The following MLLT10 variants were observed in gnomAD, a reference collection of about 807,000 sequenced individuals.
MLLT10 encodes the protein protein AF-10.
MLLT10 carries 30 observed loss-of-function variants against 129.1 expected under a neutral mutation model. That is an observed-to-expected ratio of 0.23 (90% CI 0.17 to 0.32). MLLT10 has a LOEUF of 0.32. MLLT10 is among the 10% of genes least tolerant of loss of function. The pLI is 1.00. For missense variants in MLLT10, 1,119 were observed against 1,268.3 expected (o/e 0.88, Z 1.79); for synonymous variants, 490 against 446.4 (o/e 1.10, Z -1.23).
At chr10:21,552,652 A>G (rs1352424482) in intron 3 of MLLT10, among the ~76,000 whole-genome samples, 1 of 151,962 alleles carries the variant, frequency 6.6e-6, no homozygotes, top group Admixed American at 6.6e-5. Context: ...TCGGCCTCCC[A>G]AAGTGCTAGG....
chr10:21,555,298 C>T (rs533756333), intron 3 of MLLT10, among the ~76,000 whole-genome samples: 1 of 152,304 alleles, frequency 6.6e-6, no homozygotes, highest in South Asian at 2.1e-4. Context: ...TCTTGGCTCA[C>T]TGCAGTCCCC....
At chr10:21,621,466 G>A (rs1037389923) in intron 8 of MLLT10, among the ~76,000 whole-genome samples, 1 of 151,486 alleles carries the variant, frequency 6.6e-6, no homozygotes, top group East Asian at 1.9e-4. Flanking sequence ...AGGATGGTCT[G>A]GATCTCCTGA....
At chr10:21,555,663 A>G (rs1186449442) in intron 3 of MLLT10, among the ~76,000 whole-genome samples, 1 of 151,204 alleles carries the variant, frequency 6.6e-6, no homozygotes, top group Non-Finnish European at 1.5e-5. Flanking sequence ...GCCTTGATTC[A>G]AATGTAAGAC....
chr10:21,643,515 T>G (rs1311945797), intron 8 of MLLT10, among the ~76,000 whole-genome samples: 1 of 152,248 alleles, frequency 6.6e-6, no homozygotes, highest in Non-Finnish European at 1.5e-5. Flanking sequence ...GGCTGAATTT[T>G]ATTCACTTTT....
chr10:21,674,036 T>C, intron 11 of MLLT10, 117 bp downstream of exon 11: 1 of 786,150 alleles, frequency 1.3e-6, no homozygotes, highest in Non-Finnish European at 1.8e-6. Flanking sequence ...TGACATTTAA[T>C]TAAAGTGAAA....
At chr10:21,619,349 A>G (rs2045581843) in intron 8 of MLLT10, among the ~76,000 whole-genome samples, 1 of 152,210 alleles carries the variant, frequency 6.6e-6, no homozygotes, top group Admixed American at 6.5e-5. Flanking sequence ...CTGCCATTTC[A>G]TGCATATTAT....
chr10:21,617,089 T>C, intron 7 of MLLT10, 23 bp from the exon 8 acceptor site: 2 of 1,198,408 alleles, frequency 1.7e-6, no homozygotes, highest in Non-Finnish European at 2.3e-6. Flanking sequence ...TATACATATA[T>C]GTATATATAT....
chr10:21,556,753 T>C (rs755458233), intron 3 of MLLT10: 3 of 1,609,032 alleles, frequency 1.9e-6, no homozygotes. Context: ...TGTCTAACGT[T>C]CCTCCAGTTT....
intron 11 of MLLT10, among the ~76,000 whole-genome samples, chr10:21,674,857 A>C (rs2051909714): frequency 6.6e-6 from 1 of 152,162 alleles, no homozygotes; most frequent in African/African-American, 2.4e-5. Flanking sequence ...GGTAGGTAGG[A>C]AATGGTATGG....
intron 2 of MLLT10, 62 bp from the exon 3 acceptor site, chr10:21,538,771 G>A: frequency 1.6e-6 from 2 of 1,215,080 alleles, no homozygotes; most frequent in South Asian, 1.2e-5. Flanking sequence ...CTTTGAAAGG[G>A]TATTTGATTT....
chr10:21,590,171 G>A (rs1476591651), intron 4 of MLLT10, among the ~76,000 whole-genome samples: 1 of 152,064 alleles, frequency 6.6e-6, no homozygotes, highest in African/African-American at 2.4e-5. Flanking sequence ...GAACATCTGG[G>A]ATCAAGCTAT....
intron 13 of MLLT10, chr10:21,708,743 A>C: frequency 1.0e-6 from 1 of 985,316 alleles, no homozygotes; most frequent in South Asian, 4.7e-5. Flanking sequence ...TCTCAATATT[A>C]TTCTTCCAAG....
intron 14 of MLLT10, among the ~76,000 whole-genome samples, chr10:21,717,829 C>CT (rs2056829386): frequency 5.0e-5 from 7 of 138,856 alleles, no homozygotes; most frequent in African/African-American, 1.4e-4. Flanking sequence ...TCTCCTCCTT[C>CT]TCCTCCTCCT....
At chr10:21,707,434 G>A (rs920308009) in intron 13 of MLLT10, among the ~76,000 whole-genome samples, 37 of 151,726 alleles carry the variant, frequency 2.4e-4, no homozygotes, top group Middle Eastern at 3.4e-3. Context: ...CTCGTGATCC[G>A]CCCGTCTCGG....
chr10:21,663,120 C>G (rs912872574), intron 9 of MLLT10, among the ~76,000 whole-genome samples: 5 of 152,136 alleles, frequency 3.3e-5, no homozygotes, highest in Non-Finnish European at 7.4e-5. Flanking sequence ...GGAGGGATCT[C>G]TGGGGGACTC....
intron 3 of MLLT10, among the ~76,000 whole-genome samples, chr10:21,543,235 C>T (rs557627838): frequency 1.3e-5 from 2 of 152,254 alleles, no homozygotes; most frequent in African/African-American, 2.4e-5. Context: ...ATTTTCCTGC[C>T]TCAGTCTCCC....
At chr10:21,674,606 T>C (rs754893017) in intron 11 of MLLT10, among the ~76,000 whole-genome samples, 5 of 152,230 alleles carry the variant, frequency 3.3e-5, no homozygotes, top group African/African-American at 4.8e-5. Flanking sequence ...ATGAATGTTA[T>C]TTTCAGTTTT....
chr10:21,574,638 G>A (rs988073083), intron 3 of MLLT10, among the ~76,000 whole-genome samples: 1 of 152,152 alleles, frequency 6.6e-6, no homozygotes, highest in African/African-American at 2.4e-5. Flanking sequence ...GATTATTCAT[G>A]AGTTTTCTGG....
chr10:21,716,693 TC>T lies in MLLT10; in HGVS notation c.1878+2747del, dbSNP rs1031068763. On this transcript the variant is annotated intron_variant, in intron 14 of 22. Coordinates refer to ENST00000307729, the MANE Select transcript of MLLT10 (RefSeq NM_001195626.3). ...TGGGCCAACAGAGCCAGACTCTGTC[TC>T]CCCAAAAAAAAAAAAAAGTAATTCT... Among the ~76,000 whole-genome samples, 4 of 139,786 alleles carry T rather than the reference TC, an allele frequency of 2.9e-5. No individual in the cohort carries two copies. In the East Asian group the frequency reaches 8.3e-4, roughly 29 times the overall value. The allele number at this position is 139,786 out of a possible 152,430, so 91.7% of individuals were successfully genotyped here. A position where few individuals can be genotyped will look rare whatever the true frequency, so the allele number is the denominator to read the frequency against.
Sources: allele counts gnomAD v4.1 joint callset (sites outside exome capture counted in the v4.1 genomes callset), GRCh38; gene constraint gnomAD v4.1.1; transcripts MANE v1.5; gene names NCBI Gene and HGNC (gene_info 2026-07-23, HGNC 2026-07-21).